Variants in MAPK10 observed in about 807,000 individuals in gnomAD.
The protein encoded by MAPK10 is JNK3 alpha protein kinase.
A neutral mutation model predicts 59.3 loss-of-function variants in MAPK10; 25 were observed. That is an observed-to-expected ratio of 0.42 (90% CI 0.31 to 0.59). The LOEUF is 0.59. Ranked by LOEUF, MAPK10 falls within the 20% of genes least tolerant of loss-of-function variation. MAPK10 has a pLI of 0.15. For synonymous variants in MAPK10, 190 were observed against 200.5 expected (o/e 0.95, Z 0.44); for missense variants, 351 against 568.9 (o/e 0.62, Z 3.90).
intron 1 of MAPK10, among the ~76,000 whole-genome samples, chr4:86,543,300 G>A (rs1758876856): frequency 2.0e-5 from 3 of 152,158 alleles, no homozygotes; most frequent in African/African-American, 7.2e-5. Context: ...TAATTTCTCA[G>A]CTAGCTTTTT....
intron 1 of MAPK10, among the ~76,000 whole-genome samples, chr4:86,464,977 T>C (rs1275090819): frequency 6.6e-6 from 1 of 152,240 alleles, no homozygotes; most frequent in Admixed American, 6.5e-5. Context: ...CACGTTAATG[T>C]CTCTGGTCTC....
rs531470470 is a variant in MAPK10, at chr4:86,075,774, G to A, written c.803-7819C>T. 6.7e-3 allele frequency among the ~76,000 whole-genome samples: 1,021 copies of A among 152,226 alleles called. 6 individuals are homozygous for A. Among genetic ancestry groups the A allele is most frequent in the South Asian group, 0.015 (74 of 4,812 alleles). On this transcript the variant is annotated intron_variant, in intron 9 of 13. Transcript: ENST00000641462. ...ATTCTCAGATCTCCAGCTGCGTGCT[G>A]GGAGAACCACTGCTCTCTTCAAAGC... is the stretch of plus-strand genomic sequence containing the variant.
intron 2 of MAPK10, among the ~76,000 whole-genome samples, chr4:86,281,754 C>A (rs2094818296): frequency 6.6e-6 from 1 of 151,888 alleles, no homozygotes; most frequent in Admixed American, 6.6e-5. Flanking sequence ...ACAAGTTTTT[C>A]CTAGTCTCGG....
intron 1 of MAPK10, among the ~76,000 whole-genome samples, chr4:86,494,821 C>T (rs1241544512): frequency 2.7e-5 from 3 of 111,716 alleles, no homozygotes; most frequent in Non-Finnish European, 5.0e-5. Context: ...CCAGCCTGGG[C>T]GACAGAGAGA....
intron 1 of MAPK10, among the ~76,000 whole-genome samples, chr4:86,521,546 C>T (rs1757111633): frequency 1.3e-5 from 2 of 152,076 alleles, no homozygotes; most frequent in African/African-American, 4.8e-5. Context: ...ATGGCTGCCT[C>T]TGCTGCATCA....
chr4:86,491,038 G>T lies in MAPK10; in HGVS notation c.-263+102872C>A, dbSNP rs529921037. ...TCAAAACTAGCTAGTTAGCTTGTTT[G>T]TTTTGTATAAAGATGTGATCTACTG... On this transcript the variant is annotated intron_variant, in intron 1 of 4. Coordinates refer to the MAPK10 transcript ENST00000502302. Among the ~76,000 whole-genome samples, 39 of 152,260 alleles carry T rather than the reference G, an allele frequency of 2.6e-4. 1 individual carries two copies. The highest frequency in any genetic ancestry group is 8.3e-4 in the South Asian group (4 of 4,820).
intron 2 of MAPK10, among the ~76,000 whole-genome samples, chr4:86,273,896 A>T (rs1028048670): frequency 3.3e-5 from 5 of 151,862 alleles, no homozygotes; most frequent in Non-Finnish European, 7.4e-5. Flanking sequence ...CAGCATTTAG[A>T]GAGCTACTAG....
chr4:86,176,113 T>C (rs976256478), intron 3 of MAPK10: 2 of 152,210 alleles, frequency 1.3e-5, no homozygotes, highest in Admixed American at 6.5e-5. Context: ...TCATGCATCA[T>C]ACTTTCAAAT....
At chr4:86,251,033 G>C (rs906925842) in intron 2 of MAPK10, among the ~76,000 whole-genome samples, 1 of 137,460 alleles carries the variant, frequency 7.3e-6, no homozygotes, top group African/African-American at 3.3e-5. Flanking sequence ...TGAAGGAATT[G>C]TCCATCACAA....
At chr4:86,558,977 G>A (rs565819371) in intron 1 of MAPK10, among the ~76,000 whole-genome samples, 66 of 152,118 alleles carry the variant, frequency 4.3e-4, no homozygotes, top group Non-Finnish European at 4.4e-4. Flanking sequence ...ACTCATGATG[G>A]CTTGTTCAGG....
Position 86,287,456 on chromosome 4 carries a change from C to T in MAPK10, c.-7+67074G>A, listed in dbSNP as rs182825725. ...TTCTTGCTCTTTTCTGTATGGTGAT[C>T]TTAAGAATATTCATCACAAGATAGG... On this transcript the variant is annotated intron_variant, in intron 2 of 13. Transcript: ENST00000641462. 3.3e-5 allele frequency among the ~76,000 whole-genome samples: 5 copies of T among 152,236 alleles called. No individual in the cohort carries two copies. The East Asian group carries it at 9.7e-4, about 29-fold the overall frequency.
rs186132071 is a variant in MAPK10, at chr4:86,346,207, T to C, written c.-7+8323A>G. On this transcript the variant is annotated intron_variant, in intron 2 of 13. Transcript: ENST00000641462. ...ATAGTAGGATAGTCAAACAAACATA[T>C]GACATGATATAAAGGTGTCACAAGC... 7.2e-5 allele frequency among the ~76,000 whole-genome samples: 11 copies of C among 152,256 alleles called. No homozygotes were observed. The East Asian group carries it at 2.1e-3, about 29-fold the overall frequency.
intron 1 of MAPK10, among the ~76,000 whole-genome samples, chr4:86,431,364 T>A (rs1182144312): frequency 1.3e-5 from 2 of 152,242 alleles, no homozygotes; most frequent in East Asian, 1.9e-4. Flanking sequence ...TTAAAATGAC[T>A]GATATTTTTC....
intron 3 of MAPK10, among the ~76,000 whole-genome samples, chr4:86,175,212 G>A (rs749450842): frequency 3.3e-5 from 5 of 152,110 alleles, no homozygotes; most frequent in South Asian, 2.1e-4. Flanking sequence ...TTTGGGAATC[G>A]AAATGGTTAA....
chr4:86,161,593 TGA>T, intron 3 of MAPK10, among the ~76,000 whole-genome samples: 1 of 13,576 alleles, frequency 7.4e-5, no homozygotes, highest in South Asian at 7.0e-3. Flanking sequence ...TAATTTGGGA[TGA>T]ATGAAGTGCC....
chr4:86,043,829 C>A (rs763002064), intron 11 of MAPK10, among the ~76,000 whole-genome samples: 1 of 152,096 alleles, frequency 6.6e-6, no homozygotes, highest in African/African-American at 2.4e-5. Context: ...AGTGGATTTT[C>A]ATATATTATC....
chr4:86,554,769 A>G (rs994035322), intron 1 of MAPK10, among the ~76,000 whole-genome samples: 5 of 151,940 alleles, frequency 3.3e-5, no homozygotes, highest in African/African-American at 1.2e-4. Context: ...TTATTTAACA[A>G]TTTCCCCTGA....
intron 4 of MAPK10, among the ~76,000 whole-genome samples, chr4:86,137,234 T>A (rs1410196528): frequency 6.6e-6 from 1 of 151,886 alleles, no homozygotes; most frequent in Non-Finnish European, 1.5e-5. Context: ...GAATATACAT[T>A]TTTTCAGCAC....
At chr4:86,195,156 C>T (rs2080990251) in intron 2 of MAPK10, among the ~76,000 whole-genome samples, 1 of 151,878 alleles carries the variant, frequency 6.6e-6, no homozygotes, top group Non-Finnish European at 1.5e-5. Flanking sequence ...GGTAGTAATG[C>T]CAAATTAGGT....
Sources: gnomAD v4.1 joint callset for allele counts (sites outside exome capture counted in the v4.1 genomes callset) on GRCh38, gnomAD v4.1.1 for gene constraint, MANE v1.5 for transcripts, NCBI Gene and HGNC (gene_info 2026-07-23, HGNC 2026-07-21) for gene names.